Variants in ANKRD11 observed in about 807,000 individuals in gnomAD.
ANKRD11 encodes ankyrin repeat domain-containing protein 11.
A neutral mutation model predicts 195.7 loss-of-function variants in ANKRD11; 17 were observed. That is an observed-to-expected ratio of 0.09 (90% CI 0.06 to 0.13). The LOEUF (loss-of-function observed/expected upper bound fraction) is 0.13. ANKRD11 is among the 10% of genes least tolerant of loss of function. ANKRD11 has a pLI of 1.00. For missense variants in ANKRD11, 3,735 were observed against 3,566.1 expected, an observed-to-expected ratio of 1.05 and a Z score of -1.21; for synonymous variants, 1,953 against 1,528.1, an observed-to-expected ratio of 1.28 and a Z score of -6.49.
rs550635161 is a variant in ANKRD11, at chr16:89,299,966, C to T, written c.226+5240G>A. 105 of 151,160 alleles carry T rather than the reference C, an allele frequency of 6.9e-4. 1 individual carries two copies. Among genetic ancestry groups the T allele is most frequent in the African/African-American group, 4.4e-3 (103 of 23,392 alleles). The allele number at this position is 151,160 out of a possible 1,614,324, so 9.4% of individuals were successfully genotyped here. ...TGGGGTCTGTGCCCTGTGTGAGGTGCCTGCCCTGTGTGGGGTGTGTGGGGT... is the reference window on the plus strand; with the variant it reads ...TGGGGTCTGTGCCCTGTGTGAGGTGTCTGCCCTGTGTGGGGTGTGTGGGGT... On this transcript the variant is annotated intron_variant, in intron 4 of 12. Transcript: ENST00000301030.
In ANKRD11 at chr16:89,280,533, G is replaced by A. The variant is rs547762539; in HGVS notation, c.6009C>T (p.Ala2003=). 61 of 1,612,304 alleles carry A rather than the reference G, an allele frequency of 3.8e-5. No individual in the cohort carries two copies. The highest frequency in any genetic ancestry group is 2.5e-4 in the East Asian group (11 of 44,856). ...RFCPADPLHS[A]APGPFSASEA... The stretch of plus-strand genomic sequence containing the variant: ...CCGAGGCGCTGAAGGGCCCTGGGGC[G>A]GCAGAGTGGAGGGGGTCCGCGGGGC... Residue 2003 remains alanine, a synonymous_variant, in exon 9 of 13, where the codon GCC becomes GCT. Coordinates refer to ENST00000301030, the MANE Select transcript of ANKRD11 (RefSeq NM_013275.6).
chr16:89,322,752 C>T (rs3114902), intron 2 of ANKRD11, among the ~76,000 whole-genome samples: 13 of 152,254 alleles, frequency 8.5e-5, no homozygotes, highest in African/African-American at 2.4e-4. Flanking sequence ...GCTCCCACGT[C>T]GGCCCTGGGC....
At chr16:89,458,526 G>A (rs1197257463) in intron 1 of ANKRD11, among the ~76,000 whole-genome samples, 2 of 152,132 alleles carry the variant, frequency 1.3e-5, no homozygotes, top group East Asian at 1.9e-4. Context: ...GCCCGGCCAC[G>A]TAATTTCATT....
Position 89,280,598 on chromosome 16 carries a change from TCAG to T in ANKRD11, c.5941_5943del (p.Leu1981del). 6.2e-7 allele frequency: 1 copy of T among 1,613,404 alleles called. No individual in the cohort carries two copies. Among genetic ancestry groups the T allele is most frequent in the Middle Eastern group, 1.6e-4 (1 of 6,062 alleles). ...GACTCGGGGAATCTCTGTGGAGACT[TCAG>T]CAGGAGGTCCGAGCCCACAGGCCAG... On this transcript the variant is annotated inframe_deletion, in exon 9 of 13. Coordinates refer to ENST00000301030, the MANE Select transcript of ANKRD11 (RefSeq NM_013275.6).
intron 1 of ANKRD11, among the ~76,000 whole-genome samples, chr16:89,439,429 C>A (rs1327687085): frequency 1.3e-5 from 2 of 152,312 alleles, no homozygotes; most frequent in East Asian, 3.9e-4. Flanking sequence ...CTAAGTCGAA[C>A]CATCATTAAG....
intron 2 of ANKRD11, among the ~76,000 whole-genome samples, chr16:89,387,347 C>T (rs1452300001): frequency 6.6e-6 from 1 of 152,046 alleles, no homozygotes; most frequent in Non-Finnish European, 1.5e-5. Context: ...AGGCCTCCCA[C>T]TCTGCACCAC....
At chr16:89,430,602 C>T (rs895601573) in intron 1 of ANKRD11, among the ~76,000 whole-genome samples, 7 of 152,220 alleles carry the variant, frequency 4.6e-5, no homozygotes, top group African/African-American at 1.2e-4. Flanking sequence ...ACAGCAGGTG[C>T]GCTGTCCTTT....
At position 89,400,714 on chromosome 16, in the gene ANKRD11, GCCGGTC is replaced by G. The variant is rs1298993927; in HGVS notation, c.-60+17564_-60+17569del. ...TGCCCCAGGCTTCCCTGCGCTGGGG[GCCGGTC>G]ATCTGCTGCCCCAGGCTTCCCTGCG... is the stretch of plus-strand genomic sequence containing the variant. On this transcript the variant is annotated intron_variant, in intron 2 of 12. Coordinates refer to ENST00000301030, the MANE Select transcript of ANKRD11 (RefSeq NM_013275.6). Among the ~76,000 whole-genome samples the G allele has an allele frequency of 3.2e-3, 11 of 3,398 alleles. 2 individuals carry two copies. Among genetic ancestry groups the G allele is most frequent in the Non-Finnish European group, 5.6e-3 (9 of 1,610 alleles). 2.2% of individuals were successfully genotyped at this position (3,398 alleles called of 152,430 possible).
intron 3 of ANKRD11, among the ~76,000 whole-genome samples, chr16:89,305,558 C>T (rs2036141323): frequency 6.6e-6 from 1 of 152,086 alleles, no homozygotes; most frequent in Admixed American, 6.5e-5. Context: ...CTGACTCTGG[C>T]CCATTTCTCA....
At chr16:89,449,611 T>C (rs1032389148) in intron 1 of ANKRD11, among the ~76,000 whole-genome samples, 2 of 151,850 alleles carry the variant, frequency 1.3e-5, no homozygotes, top group Admixed American at 6.6e-5. Flanking sequence ...CTGACCAACA[T>C]GGAGAAACCC....
In ANKRD11 at chr16:89,291,825, G is replaced by A. The variant is rs780814611; in HGVS notation, c.227-642C>T. ...CTAACAAGACACGGTGTGAGAGCTC[G>A]GCTGTTTCCACCTCAGCCTCCTCGT... is the stretch of plus-strand genomic sequence containing the variant. On this transcript the variant is annotated intron_variant, in intron 4 of 12. Coordinates refer to ENST00000301030, the MANE Select transcript of ANKRD11 (RefSeq NM_013275.6). The surrounding 1 kb of genome is among the most constrained non-coding windows in gnomAD (Gnocchi z 5.3). 65 of 1,245,534 alleles carry A rather than the reference G, an allele frequency of 5.2e-5. No homozygotes were observed. The highest frequency in any genetic ancestry group is 5.6e-5 in the Non-Finnish European group (53 of 949,308). 77.2% of individuals were successfully genotyped at this position (1,245,534 alleles called of 1,614,324 possible). A position where few individuals can be genotyped will look rare whatever the true frequency, so the allele number is the denominator to read the frequency against.
intron 1 of ANKRD11, among the ~76,000 whole-genome samples, chr16:89,430,934 C>T (rs2042952229): frequency 6.6e-6 from 1 of 152,116 alleles, no homozygotes; most frequent in Non-Finnish European, 1.5e-5. Context: ...AAGGAAACCC[C>T]TGTGAGCCTG....
chr16:89,288,622 G>A lies in ANKRD11; in HGVS notation c.650C>T (p.Ala217Val), dbSNP rs781253717. 4 of 1,614,100 alleles carry A rather than the reference G, an allele frequency of 2.5e-6. No homozygotes were observed. The highest frequency in any genetic ancestry group is 1.3e-5 in the African/African-American group (1 of 75,050). ...CGCACCTGCAGCCAGCAGCTGCTTC[G>A]CGACGTCGTAGTAGCCCCGGTTACA... ...EACNRGYYDV[A>V]KQLLAAGAEV... The change falls in exon 7 of 13, where the codon GCG becomes GTG. Residue 217 changes from alanine to valine, a missense_variant. Transcript: ENST00000301030.
intron 1 of ANKRD11, among the ~76,000 whole-genome samples, chr16:89,449,179 AGTCTCT>A (rs1469136514): frequency 6.9e-6 from 1 of 144,436 alleles, no homozygotes; most frequent in Non-Finnish European, 1.5e-5. Context: ...AGTGAAACCC[AGTCTCT>A]ACAAAAAAAA....
chr16:89,466,317 AAG>A (rs2056883069), intron 1 of ANKRD11, among the ~76,000 whole-genome samples: 1 of 152,204 alleles, frequency 6.6e-6, no homozygotes, highest in Non-Finnish European at 1.5e-5. Flanking sequence ...AGAGATAGAA[AAG>A]AGAGTACCAG....
chr16:89,448,138 T>C (rs2043890022), intron 1 of ANKRD11, among the ~76,000 whole-genome samples: 2 of 145,462 alleles, frequency 1.4e-5, no homozygotes, highest in Non-Finnish European at 3.1e-5. Flanking sequence ...CTTTGTCACA[T>C]GCACCCTTGC....
chr16:89,486,527 T>G (rs886289994), intron 1 of ANKRD11, among the ~76,000 whole-genome samples: 1 of 151,132 alleles, frequency 6.6e-6, no homozygotes, highest in Non-Finnish European at 1.5e-5. Flanking sequence ...ATCTTGGAGT[T>G]TGGGGGGATC....
intron 1 of ANKRD11, among the ~76,000 whole-genome samples, chr16:89,473,576 C>A (rs575222983): frequency 1.3e-5 from 2 of 152,246 alleles, no homozygotes; most frequent in Non-Finnish European, 2.9e-5. Flanking sequence ...TTCCGTTCTA[C>A]AAGTGGGTCC....
chr16:89,365,905 C>T (rs1017960212), intron 2 of ANKRD11, among the ~76,000 whole-genome samples: 1 of 151,832 alleles, frequency 6.6e-6, no homozygotes, highest in Non-Finnish European at 1.5e-5. Flanking sequence ...TGGTCCCTCT[C>T]TGTGTCCACG....
Sources: gnomAD v4.1 joint callset for allele counts (sites outside exome capture counted in the v4.1 genomes callset) on GRCh38, gnomAD v4.1.1 for gene constraint, Gnocchi (gnomAD v3.1) non-coding constraint, MANE v1.5 for transcripts, NCBI Gene and HGNC (gene_info 2026-07-23, HGNC 2026-07-21) for gene names.